The following SOX5 variants were observed in gnomAD, a reference collection of about 807,000 sequenced individuals.
The protein encoded by SOX5 is transcription factor SOX-5.
SOX5 carries 9 observed loss-of-function variants against 92.0 expected under a neutral mutation model. The ratio of observed to expected loss-of-function variants is 0.10; its 90% confidence interval spans 0.06 to 0.17. The LOEUF (loss-of-function observed/expected upper bound fraction) is 0.17. Among genes scored for constraint, SOX5 ranks in the 10% least tolerant of loss-of-function variants. SOX5 has a pLI of 1.00. For synonymous variants in SOX5, 344 were observed against 336.3 expected (o/e 1.02, Z -0.25); for missense variants, 642 against 944.5 (o/e 0.68, Z 4.20).
At chr12:24,297,304 A>G (rs933705168) in intron 2 of SOX5, among the ~76,000 whole-genome samples, 3 of 152,202 alleles carry the variant, frequency 2.0e-5, no homozygotes, top group African/African-American at 4.8e-5. Flanking sequence ...TTTCTGTTCA[A>G]AACAACCAGC....
At chr12:24,507,162 G>C (rs1948876058) in intron 1 of SOX5, among the ~76,000 whole-genome samples, 1 of 151,924 alleles carries the variant, frequency 6.6e-6, no homozygotes, top group Non-Finnish European at 1.5e-5. Flanking sequence ...AATTGATTTA[G>C]GCAATAATCA....
intron 2 of SOX5, among the ~76,000 whole-genome samples, chr12:24,334,511 G>C (rs933490342): frequency 2.6e-5 from 4 of 152,126 alleles, no homozygotes; most frequent in Non-Finnish European, 5.9e-5. Flanking sequence ...TTTATTGCCT[G>C]TCGTTTTGCC....
chr12:24,399,354 A>G (rs1051939814), intron 1 of SOX5, among the ~76,000 whole-genome samples: 1 of 152,226 alleles, frequency 6.6e-6, no homozygotes, highest in African/African-American at 2.4e-5. Context: ...TAAAAAACCA[A>G]TACATATCAG....
chr12:24,294,975 T>C (rs1457061823), intron 2 of SOX5, among the ~76,000 whole-genome samples: 1 of 152,138 alleles, frequency 6.6e-6, no homozygotes, highest in African/African-American at 2.4e-5. Context: ...ATTGACACAA[T>C]GAAGTATAGG....
chr12:24,291,207 C>A (rs935917618), intron 2 of SOX5, among the ~76,000 whole-genome samples: 2 of 152,126 alleles, frequency 1.3e-5, no homozygotes, highest in Non-Finnish European at 1.5e-5. Flanking sequence ...GCACACAGCA[C>A]GTCACAAAGT....
At chr12:24,228,648 CTGTGTGTGTGTGCG>C in intron 3 of SOX5, among the ~76,000 whole-genome samples, 1 of 152,192 alleles carries the variant, frequency 6.6e-6, no homozygotes, top group Admixed American at 6.5e-5. Flanking sequence ...CAGAAATATT[CTGTGTGTGTGTGCG>C]TGTGTGTGCG....
chr12:23,851,447 C>T (rs66489274), intron 2 of SOX5, among the ~76,000 whole-genome samples: 18,126 of 151,838 alleles, frequency 0.12, 1,594 homozygotes, highest in African/African-American at 0.24. Flanking sequence ...TTAAAAAACT[C>T]GATAGAAAAC....
intron 2 of SOX5, among the ~76,000 whole-genome samples, chr12:24,327,449 C>G (rs1483827434): frequency 2.0e-5 from 2 of 101,434 alleles, no homozygotes; most frequent in South Asian, 3.9e-4. Flanking sequence ...GAGTTTTGCT[C>G]TTGTTGTCCA....
At chr12:23,776,508 T>C (rs1437170978) in intron 3 of SOX5, among the ~76,000 whole-genome samples, 1 of 152,226 alleles carries the variant, frequency 6.6e-6, no homozygotes, top group Non-Finnish European at 1.5e-5. Context: ...CCTTGAGATG[T>C]TGAAGACTTA....
intron 1 of SOX5, among the ~76,000 whole-genome samples, chr12:24,413,153 A>G (rs1341912667): frequency 6.6e-6 from 1 of 152,190 alleles, no homozygotes; most frequent in South Asian, 2.1e-4. Context: ...TGGGTGTTCA[A>G]ATCTTCGAAT....
chr12:24,144,653 A>G (rs1950898080), intron 4 of SOX5, among the ~76,000 whole-genome samples: 1 of 151,982 alleles, frequency 6.6e-6, no homozygotes, highest in South Asian at 2.1e-4. Context: ...GCAAGACCCC[A>G]TCTTTATGAA....
At chr12:24,007,216 A>T (rs1373851738) in intron 4 of SOX5, among the ~76,000 whole-genome samples, 1 of 34,164 alleles carries the variant, frequency 2.9e-5, no homozygotes, top group Non-Finnish European at 6.1e-5. Context: ...TATATATATA[A>T]ATGTATATAA....
chr12:23,683,103 A>G (rs1278151090), intron 6 of SOX5, among the ~76,000 whole-genome samples: 1 of 151,930 alleles, frequency 6.6e-6, no homozygotes, highest in Non-Finnish European at 1.5e-5. Context: ...ACAAATTTAT[A>G]AAGGGAGTAA....
intron 1 of SOX5, among the ~76,000 whole-genome samples, chr12:24,509,332 C>G (rs1338341272): frequency 6.6e-6 from 1 of 152,188 alleles, no homozygotes; most frequent in Non-Finnish European, 1.5e-5. Flanking sequence ...TACTCACTCT[C>G]TTTGCTTCAT....
chr12:24,443,984 G>A (rs1214323415), intron 1 of SOX5, among the ~76,000 whole-genome samples: 1 of 152,170 alleles, frequency 6.6e-6, no homozygotes, highest in Non-Finnish European at 1.5e-5. Context: ...GAAACCTGTG[G>A]TCTTTAAACT....
intron 2 of SOX5, among the ~76,000 whole-genome samples, chr12:24,365,333 A>G (rs893922821): frequency 2.0e-5 from 3 of 152,120 alleles, no homozygotes; most frequent in Non-Finnish European, 4.4e-5. Context: ...GAAAGTAAGG[A>G]ATCTATGTAA....
intron 8 of SOX5, among the ~76,000 whole-genome samples, chr12:23,611,369 C>CGTGTGTGT (rs3030241): frequency 2.9e-5 from 4 of 137,094 alleles, no homozygotes; most frequent in African/African-American, 1.0e-4. Flanking sequence ...TGTGTGTGTG[C>CGTGTGTGT]GTGTGTGTGT....
At chr12:24,433,584 A>G (rs896518599) in intron 1 of SOX5, among the ~76,000 whole-genome samples, 1 of 152,226 alleles carries the variant, frequency 6.6e-6, no homozygotes, top group African/African-American at 2.4e-5. Context: ...TGAGGGGGAA[A>G]AAATCACAGC....
chr12:24,506,849 G>C (rs1416510017), intron 1 of SOX5, among the ~76,000 whole-genome samples: 1 of 131,544 alleles, frequency 7.6e-6, no homozygotes, highest in Non-Finnish European at 1.5e-5. Flanking sequence ...GGAGTGCAGT[G>C]GCGCGATCTC....
Sources: gnomAD v4.1 joint callset for allele counts (sites outside exome capture counted in the v4.1 genomes callset) on GRCh38, gnomAD v4.1.1 for gene constraint, MANE v1.5 for transcripts, NCBI Gene and HGNC (gene_info 2026-07-23, HGNC 2026-07-21) for gene names.